ARSF: variants seen among roughly 807,000 people sequenced by gnomAD.
ARSF encodes the protein arylsulfatase F.
Under a neutral mutation model 35.4 loss-of-function variants are expected in ARSF, and 33 were observed. The ratio of observed to expected loss-of-function variants is 0.93; its 90% CI spans 0.71 to 1.25. ARSF has a LOEUF of 1.25. Among genes scored for constraint, ARSF ranks in the 50% most tolerant of loss-of-function variants. The pLI is 0.00. For missense variants in ARSF, 501 were observed against 480.2 expected, an observed-to-expected ratio of 1.04 and a Z score of -0.40; for synonymous variants, 222 against 193.1, an observed-to-expected ratio of 1.15 and a Z score of -1.24.
At chrX:3,057,015 G>A (rs757711128) in intron 1 of ARSF, among the ~76,000 whole-genome samples, 3 of 111,650 alleles carry the variant, frequency 2.7e-5, no homozygotes, top group South Asian at 7.7e-4. Flanking sequence ...CAGATGCTCA[G>A]GTGGGATTTT....
At chrX:3,087,985 AT>A (rs763783533) in intron 6 of ARSF, among the ~76,000 whole-genome samples, 14 of 111,911 alleles carry the variant, frequency 1.3e-4, no homozygotes, top group African/African-American at 3.6e-4. Flanking sequence ...TTTAAAATTC[AT>A]TTTTTTTATT....
At chrX:3,085,325 A>G (rs1051441313) in intron 6 of ARSF, among the ~76,000 whole-genome samples, 3 of 106,753 alleles carry the variant, frequency 2.8e-5, no homozygotes, top group African/African-American at 1.0e-4. Flanking sequence ...ATATTTTATA[A>G]TATTTTTTGT....
At chrX:3,060,262 A>G (rs1262355221) in intron 1 of ARSF, among the ~76,000 whole-genome samples, 1 of 111,984 alleles carries the variant, frequency 8.9e-6, no homozygotes, top group East Asian at 2.8e-4. Context: ...AAGGAATAGC[A>G]TCAACATCAA....
At chrX:3,110,702 G>A (rs904736383) in intron 10 of ARSF, among the ~76,000 whole-genome samples, 1 of 111,395 alleles carries the variant, frequency 9.0e-6, no homozygotes, top group African/African-American at 3.3e-5. Context: ...TTTGAGACCA[G>A]CCTGGCAAAC....
chrX:3,064,009 A>G (rs1338205353), intron 1 of ARSF, among the ~76,000 whole-genome samples: 1 of 111,996 alleles, frequency 8.9e-6, no homozygotes, highest in Non-Finnish European at 1.9e-5. Context: ...AATCCTAAGC[A>G]AAAAGAACAA....
intron 1 of ARSF, among the ~76,000 whole-genome samples, chrX:3,047,683 C>T (rs375596126): frequency 1.4e-4 from 15 of 109,814 alleles, no homozygotes; most frequent in African/African-American, 4.6e-4. Context: ...GACTGCCCAG[C>T]CCTCCCTATA....
chrX:3,083,790 A>G (rs2090223356), intron 5 of ARSF, among the ~76,000 whole-genome samples: 1 of 110,534 alleles, frequency 9.0e-6, no homozygotes, highest in African/African-American at 3.3e-5. Flanking sequence ...CATCAACTAT[A>G]ACCTGCCTTG....
At chrX:3,064,982 TG>T (rs1370020328) in intron 1 of ARSF, among the ~76,000 whole-genome samples, 1 of 111,511 alleles carries the variant, frequency 9.0e-6, no homozygotes, top group Non-Finnish European at 1.9e-5. Context: ...TAAATCATGC[TG>T]CTATCAAGAC....
At chrX:3,050,205 G>A (rs2089991175) in intron 1 of ARSF, among the ~76,000 whole-genome samples, 1 of 111,517 alleles carries the variant, frequency 9.0e-6, no homozygotes, top group African/African-American at 3.3e-5. Flanking sequence ...AACATGAAGG[G>A]GCCCCATGCC....
rs554437250 is a variant in ARSF at position 3,093,120 on chromosome X, G to A, written c.967+3488G>A. On this transcript the variant is annotated intron_variant, in intron 7 of 10. Coordinates refer to ENST00000381127, the MANE Select transcript of ARSF (RefSeq NM_001201539.2). ...GGCAGAGCTTGCAGTGGCCGAGATCGCGCCACTGCACTCCAGCCTGGGCAA... is the reference window on the plus strand; with the variant it reads ...GGCAGAGCTTGCAGTGGCCGAGATCACGCCACTGCACTCCAGCCTGGGCAA... Among the ~76,000 whole-genome samples, 41 of 111,431 alleles carry A rather than the reference G, an allele frequency of 3.7e-4. No individual in the cohort carries two copies. The South Asian group carries it at 3.8e-3, about 10-fold the overall frequency.
intron 9 of ARSF, 105 bp downstream of exon 9, chrX:3,104,029 C>A: frequency 1.2e-6 from 1 of 858,725 alleles, no homozygotes; most frequent in South Asian, 2.6e-5. Flanking sequence ...CCACTTTTTC[C>A]CTAGTATCTA....
At chrX:3,093,586 A>AT (rs1257108468) in intron 7 of ARSF, among the ~76,000 whole-genome samples, 4 of 111,723 alleles carry the variant, frequency 3.6e-5, no homozygotes, top group Non-Finnish European at 7.5e-5. Flanking sequence ...AAAGGATGTG[A>AT]TTTTGTTCTT....
intron 6 of ARSF, among the ~76,000 whole-genome samples, chrX:3,085,828 T>C (rs772374732): frequency 9.0e-6 from 1 of 110,820 alleles, no homozygotes; most frequent in South Asian, 3.9e-4. Flanking sequence ...GGCTCAGCAC[T>C]CTGGGAGGCC....
Position 3,058,856 on chromosome X carries a change from G to A in ARSF, c.-28-9217G>A, listed in dbSNP as rs139055230. Among the ~76,000 whole-genome samples, 146 of 111,363 alleles carry A rather than the reference G, an allele frequency of 1.3e-3. 1 individual carries two copies. In the South Asian group the frequency reaches 0.019, roughly 15 times the overall value. On this transcript the variant is annotated intron_variant, in intron 1 of 10. Coordinates refer to ENST00000381127, the MANE Select transcript of ARSF (RefSeq NM_001201539.2). The stretch of plus-strand genomic sequence containing the variant: ...AACTTGGGTGACAGAATGAGACCCT[G>A]TCTCTAAAAGAAAAAGAAAAAAAGA...
intron 1 of ARSF, among the ~76,000 whole-genome samples, chrX:3,045,266 T>C (rs1167378119): frequency 9.0e-6 from 1 of 111,700 alleles, no homozygotes; most frequent in Non-Finnish European, 1.9e-5. Context: ...CATTGTCTCA[T>C]GGCCACAGAA....
chrX:3,059,730 G>T (rs200869103), intron 1 of ARSF, among the ~76,000 whole-genome samples: 2 of 112,483 alleles, frequency 1.8e-5, no homozygotes, highest in South Asian at 3.6e-4. Flanking sequence ...AGCCTGGCTG[G>T]GGGGGTGGGC....
chrX:3,098,917 A>G (rs1262165715), intron 7 of ARSF, among the ~76,000 whole-genome samples: 9 of 109,603 alleles, frequency 8.2e-5, no homozygotes, highest in African/African-American at 3.0e-4. Context: ...ACTTTTCACT[A>G]TTTACTGAAA....
intron 1 of ARSF, among the ~76,000 whole-genome samples, chrX:3,056,956 G>A (rs1407160743): frequency 9.0e-6 from 1 of 111,165 alleles, no homozygotes; most frequent in Non-Finnish European, 1.9e-5. Context: ...GCTGAGAGAG[G>A]AGCTATTCTG....
intron 7 of ARSF, among the ~76,000 whole-genome samples, chrX:3,093,861 T>A (rs1466161899): frequency 8.9e-6 from 1 of 112,145 alleles, no homozygotes; most frequent in Non-Finnish European, 1.9e-5. Flanking sequence ...AACAATAGTA[T>A]ATAAGTGTTG....
Sources: gnomAD v4.1 joint callset for allele counts (sites outside exome capture counted in the v4.1 genomes callset) on GRCh38, gnomAD v4.1.1 for gene constraint, MANE v1.5 for transcripts, NCBI Gene and HGNC (gene_info 2026-07-23, HGNC 2026-07-21) for gene names.